The following KRTAP9-3 variants were observed in gnomAD, a reference collection of about 807,000 sequenced individuals.
The protein encoded by KRTAP9-3 is keratin associated protein 9-3.
A neutral mutation model predicts 13.0 loss-of-function variants in KRTAP9-3; 12 were observed. The observed-to-expected ratio is 0.93, with a 90% CI of 0.59 to 1.50. The LOEUF is 1.50. KRTAP9-3 is among the 40% of genes most tolerant of loss of function. The probability of loss-of-function intolerance (pLI) is 0.00; values close to 1 mark genes in which losing one functional copy is unlikely to be tolerated. For synonymous variants in KRTAP9-3, 89 were observed against 68.7 expected (o/e 1.29, Z -1.46); for missense variants, 232 against 195.2 (o/e 1.19, Z -1.12).
chr17:41,232,852 A>C lies in KRTAP9-3; in HGVS notation c.351A>C (p.Leu117=). 1 of 1,606,614 alleles carries C rather than the reference A, an allele frequency of 6.2e-7. No homozygotes were observed. Among genetic ancestry groups the C allele is most frequent in the Non-Finnish European group, 8.5e-7 (1 of 1,179,804 alleles). ...HPTSVCLPGC[L]NQSCGSNCCQ... is the part of the protein sequence containing the mutation. Reference sequence around the variant, plus strand: ...CAAGTGTTTGTCTGCCTGGTTGCCTAAACCAGAGCTGTGGCTCCAACTGCT... The same window carrying C: ...CAAGTGTTTGTCTGCCTGGTTGCCTCAACCAGAGCTGTGGCTCCAACTGCT... The change falls in exon 1 of 1, where the codon CTA becomes CTC. Residue 117 remains leucine (L), a synonymous_variant. Transcript: ENST00000411528.
Position 41,232,654 on chromosome 17 carries a change from C to G in KRTAP9-3, c.153C>G (p.Cys51Trp). Residue 51 changes from cysteine to tryptophan, a missense_variant, in exon 1 of 1, where the codon TGC becomes TGG. Physicochemically the swap from Cys to Trp is radical, Grantham distance 215 (BLOSUM62 -2). Transcript: ENST00000411528. ...SCCQPCCHPT[C>W]CQNTCCRTTC... Reference sequence around the variant, plus strand: ...GCCAGCCTTGCTGCCACCCAACTTGCTGTCAAAACACCTGCTGTAGGACCA... The same window carrying G: ...GCCAGCCTTGCTGCCACCCAACTTGGTGTCAAAACACCTGCTGTAGGACCA... The G allele has an allele frequency of 6.2e-7, 1 of 1,608,310 alleles. No homozygotes were observed. The highest frequency in any genetic ancestry group is 8.5e-7 in the Non-Finnish European group (1 of 1,179,934).
In KRTAP9-3 at chr17:41,232,558, G is replaced by C; in HGVS notation, c.57G>C (p.Trp19Cys). The C allele has an allele frequency of 1.2e-6, 2 of 1,602,586 alleles. No homozygotes were observed. Among genetic ancestry groups the C allele is most frequent in the Non-Finnish European group, 1.7e-6 (2 of 1,177,118 alleles). ...CTACCTGCTGCAGGACCACCTGCTG[G>C]CAGCCCACCACTGTGACCACCTGCA... ...CQPTCCRTTC[W>C]QPTTVTTCSS... The change falls in exon 1 of 1, where the codon TGG (tryptophan) becomes TGC (cysteine). Residue 19 changes from tryptophan (W) to cysteine (C), a missense_variant. Transcript: ENST00000411528.
Position 41,232,537 on chromosome 17 carries a change from C to T in KRTAP9-3, c.36C>T (p.Thr12=). Residue 12 remains threonine (T), a synonymous_variant, in exon 1 of 1, where the codon ACC becomes ACT. Transcript: ENST00000411528. ...THCCSPCCQP[T]CCRTTCWQPT... The stretch of plus-strand genomic sequence containing the variant: ...GTTGCTCCCCTTGCTGTCAGCCTAC[C>T]TGCTGCAGGACCACCTGCTGGCAGC... 1.9e-6 allele frequency: 3 copies of T among 1,606,004 alleles called. No individual in the cohort carries two copies. The highest frequency in any genetic ancestry group is 2.5e-6 in the Non-Finnish European group (3 of 1,179,326).
rs757778426 is a variant in KRTAP9-3, at chr17:41,232,734, C to T, written c.233C>T (p.Thr78Ile). The change falls in exon 1 of 1, where the codon ACA (threonine) becomes ATA (isoleucine). Residue 78 changes from threonine (T) to isoleucine (I), a missense_variant. Coordinates refer to ENST00000411528, the MANE Select transcript of KRTAP9-3 (RefSeq NM_031962.3). ...TGCTGCCAGCCTTCCTGCTGTAGCACACCCTGCTGCCAGCCCACATGCTGT... is the reference window on the plus strand; with the variant it reads ...TGCTGCCAGCCTTCCTGCTGTAGCATACCCTGCTGCCAGCCCACATGCTGT... ...TSCCQPSCCSTPCCQPTCCGS... is the reference protein window; with the variant it reads ...TSCCQPSCCSIPCCQPTCCGS... 128 of 1,608,492 alleles carry T rather than the reference C, an allele frequency of 8.0e-5. No individual in the cohort carries two copies. Among genetic ancestry groups the T allele is most frequent in the Non-Finnish European group, 1.1e-4 (125 of 1,179,980 alleles).
chr17:41,233,079 T>C lies in KRTAP9-3; in HGVS notation c.*98T>C. 6.5e-7 allele frequency: 1 copy of C among 1,539,898 alleles called. No individual in the cohort carries two copies. The highest frequency in any genetic ancestry group is 1.2e-5 in the South Asian group (1 of 80,206). ...TTTACTTTGCTGCTGACAGCCACCA[T>C]GCTCTCACCCAAATTTTTATGAATT... On this transcript the variant is annotated 3_prime_UTR_variant, in exon 1 of 1. Coordinates refer to ENST00000411528, the MANE Select transcript of KRTAP9-3 (RefSeq NM_031962.3).
Position 41,232,590 on chromosome 17 carries a change from C to T in KRTAP9-3, c.89C>T (p.Thr30Ile), listed in dbSNP as rs141002587. The change falls in exon 1 of 1, where the codon ACA becomes ATA. Residue 30 changes from threonine (T) to isoleucine (I), a missense_variant. By Grantham distance (89) the Thr-to-Ile change is moderately conservative. Coordinates refer to ENST00000411528, the MANE Select transcript of KRTAP9-3 (RefSeq NM_031962.3). ...QPTTVTTCSS[T>I]PCCQPSCCVS... ...ACCACTGTGACCACCTGCAGCAGCACACCCTGCTGTCAGCCCTCCTGCTGT... is the reference window on the plus strand; with the variant it reads ...ACCACTGTGACCACCTGCAGCAGCATACCCTGCTGTCAGCCCTCCTGCTGT... 118 of 1,603,980 alleles carry T rather than the reference C, an allele frequency of 7.4e-5. No homozygotes were observed. Among genetic ancestry groups the T allele is most frequent in the Non-Finnish European group, 9.3e-5 (109 of 1,177,136 alleles).
Position 41,233,145 on chromosome 17 carries a change from G to A in KRTAP9-3, c.*164G>A, listed in dbSNP as rs1285030342. On this transcript the variant is annotated 3_prime_UTR_variant, in exon 1 of 1. Coordinates refer to ENST00000411528, the MANE Select transcript of KRTAP9-3 (RefSeq NM_031962.3). ...ATCTTGGGAATCTGCTTGAGGGAGGGCAGAATACTTCATCCTCATTCCCTC... is the reference window on the plus strand; with the variant it reads ...ATCTTGGGAATCTGCTTGAGGGAGGACAGAATACTTCATCCTCATTCCCTC... 6.8e-6 allele frequency: 8 copies of A among 1,175,080 alleles called. No individual in the cohort carries two copies. Among genetic ancestry groups the A allele is most frequent in the African/African-American group, 1.7e-5 (1 of 57,740 alleles). 72.8% of individuals were successfully genotyped at this position (1,175,080 alleles called of 1,614,324 possible). A position where few individuals can be genotyped will look rare whatever the true frequency, so the allele number is the denominator to read the frequency against.
chr17:41,232,725 G>A lies in KRTAP9-3; in HGVS notation c.224G>A (p.Cys75Tyr). 6.2e-7 allele frequency: 1 copy of A among 1,608,582 alleles called. No individual in the cohort carries two copies. Among genetic ancestry groups the A allele is most frequent in the Non-Finnish European group, 8.5e-7 (1 of 1,179,946 alleles). ...GTGACCAGCTGCTGCCAGCCTTCCT[G>A]CTGTAGCACACCCTGCTGCCAGCCC... ...ICVTSCCQPS[C>Y]CSTPCCQPTC... Residue 75 changes from cysteine to tyrosine, a missense_variant, in exon 1 of 1, where the codon TGC becomes TAC. Physicochemically the swap from Cys to Tyr is radical, Grantham distance 194. Transcript: ENST00000411528.
In KRTAP9-3 at chr17:41,232,967, C is replaced by G; in HGVS notation, c.466C>G (p.Pro156Ala). 1 of 1,608,844 alleles carries G rather than the reference C, an allele frequency of 6.2e-7. No homozygotes were observed. Among genetic ancestry groups the G allele is most frequent in the Non-Finnish European group, 8.5e-7 (1 of 1,179,778 alleles). Residue 156 changes from proline to alanine, a missense_variant, in exon 1 of 1, where the codon CCT becomes GCT. Coordinates refer to ENST00000411528, the MANE Select transcript of KRTAP9-3 (RefSeq NM_031962.3). Reference sequence around the variant, plus strand: ...CACCTGTGTGTACAGCTGCTGCCAGCCTTCTTGCTGCTAATCAACTCCCAA... The same window carrying G: ...CACCTGTGTGTACAGCTGCTGCCAGGCTTCTTGCTGCTAATCAACTCCCAA... ...QPTCVYSCCQ[P>A]SCC
rs2015879426 is a variant in KRTAP9-3, at chr17:41,232,791, C to T, written c.290C>T (p.Ala97Val). 1 of 1,608,150 alleles carries T rather than the reference C, an allele frequency of 6.2e-7. No homozygotes were observed. Among genetic ancestry groups the T allele is most frequent in the African/African-American group, 1.4e-5 (1 of 69,278 alleles). The change falls in exon 1 of 1, where the codon GCA becomes GTA. Residue 97 changes from alanine to valine, a missense_variant. Coordinates refer to ENST00000411528, the MANE Select transcript of KRTAP9-3 (RefSeq NM_031962.3). ...AGCTGTGGTCAGAGCAGCTCCTGTG[C>T]ACCTGTGTACTGCAGAAGAACCTGC... is the stretch of plus-strand genomic sequence containing the variant. The part of the protein sequence containing the change: ...GSSCGQSSSC[A>V]PVYCRRTCYH...
At position 41,232,646 on chromosome 17, in the gene KRTAP9-3, C is replaced by T. The variant is rs767825751; in HGVS notation, c.145C>T (p.Pro49Ser). 1.2e-6 allele frequency: 2 copies of T among 1,607,778 alleles called. No individual in the cohort carries two copies. Among genetic ancestry groups the T allele is most frequent in the Non-Finnish European group, 8.5e-7 (1 of 1,179,846 alleles). The part of the protein sequence containing the change: ...VSSCCQPCCH[P>S]TCCQNTCCRT... ...CAGCTGCTGCCAGCCTTGCTGCCAC[C>T]CAACTTGCTGTCAAAACACCTGCTG... is the stretch of plus-strand genomic sequence containing the variant. Residue 49 changes from proline to serine, a missense_variant, in exon 1 of 1, where the codon CCA becomes TCA. By Grantham distance (74) the Pro-to-Ser change is moderately conservative. Transcript: ENST00000411528.
rs139421229 is a variant in KRTAP9-3 at position 41,233,102 on chromosome 17, A to T, written c.*121A>T. The stretch of plus-strand genomic sequence containing the variant: ...CATGCTCTCACCCAAATTTTTATGA[A>T]TTCTCTACATGTTTAAAATCTTGGG... On this transcript the variant is annotated 3_prime_UTR_variant, in exon 1 of 1. Coordinates refer to ENST00000411528, the MANE Select transcript of KRTAP9-3 (RefSeq NM_031962.3). 6.8e-7 allele frequency: 1 copy of T among 1,480,276 alleles called. No individual in the cohort carries two copies. Among genetic ancestry groups the T allele is most frequent in the African/African-American group, 1.6e-5 (1 of 63,976 alleles). 91.7% of individuals were successfully genotyped at this position (1,480,276 alleles called of 1,614,324 possible). A position where few individuals can be genotyped will look rare whatever the true frequency, so the allele number is the denominator to read the frequency against.
Position 41,232,815 on chromosome 17 carries a change from G to A in KRTAP9-3, c.314G>A (p.Cys105Tyr), listed in dbSNP as rs1442683227. The change falls in exon 1 of 1, where the codon TGC becomes TAC. Residue 105 changes from cysteine to tyrosine, a missense_variant. Transcript: ENST00000411528. Reference protein sequence around the residue: ...SCAPVYCRRTCYHPTSVCLPG... With the variant: ...SCAPVYCRRTYYHPTSVCLPG... ...GCACCTGTGTACTGCAGAAGAACCT[G>A]CTACCACCCCACAAGTGTTTGTCTG... is the stretch of plus-strand genomic sequence containing the variant. 8.1e-6 allele frequency: 13 copies of A among 1,607,894 alleles called. No individual in the cohort carries two copies. The East Asian group carries it at 2.9e-4, about 36-fold the overall frequency.
rs150033534 is a variant in KRTAP9-3, at chr17:41,233,390, T to C, written c.*409T>C. 3.2e-4 allele frequency: 94 copies of C among 294,484 alleles called. 2 individuals are homozygous for C. In the Middle Eastern group the frequency reaches 6.0e-3, roughly 19 times the overall value. 18.2% of individuals were successfully genotyped at this position (294,484 alleles called of 1,614,324 possible). A position where few individuals can be genotyped will look rare whatever the true frequency, so the allele number is the denominator to read the frequency against. On this transcript the variant is annotated 3_prime_UTR_variant, in exon 1 of 1. Transcript: ENST00000411528. Reference sequence around the variant, plus strand: ...TTCTTTTCACGATAACTTTGGGTTATGTCTCTGGTAGCAGAGATTCTTACC... The same window carrying C: ...TTCTTTTCACGATAACTTTGGGTTACGTCTCTGGTAGCAGAGATTCTTACC...
In KRTAP9-3 at chr17:41,232,732, C is replaced by T. The variant is rs555527137; in HGVS notation, c.231C>T (p.Ser77=). 2.3e-5 allele frequency: 37 copies of T among 1,607,478 alleles called. No individual in the cohort carries two copies. The East Asian group carries it at 8.3e-4, about 36-fold the overall frequency. Reference sequence around the variant, plus strand: ...GCTGCTGCCAGCCTTCCTGCTGTAGCACACCCTGCTGCCAGCCCACATGCT... The same window carrying T: ...GCTGCTGCCAGCCTTCCTGCTGTAGTACACCCTGCTGCCAGCCCACATGCT... ...VTSCCQPSCC[S]TPCCQPTCCG... Residue 77 remains serine, a synonymous_variant, in exon 1 of 1, where the codon AGC becomes AGT. Coordinates refer to ENST00000411528, the MANE Select transcript of KRTAP9-3 (RefSeq NM_031962.3).
rs1485054123 is a variant in KRTAP9-3 at position 41,233,141 on chromosome 17, G to A, written c.*160G>A. ...TAAAATCTTGGGAATCTGCTTGAGGGAGGGCAGAATACTTCATCCTCATTC... is the reference window on the plus strand; with the variant it reads ...TAAAATCTTGGGAATCTGCTTGAGGAAGGGCAGAATACTTCATCCTCATTC... On this transcript the variant is annotated 3_prime_UTR_variant, in exon 1 of 1. Transcript: ENST00000411528. 1 of 1,236,046 alleles carries A rather than the reference G, an allele frequency of 8.1e-7. No homozygotes were observed. The highest frequency in any genetic ancestry group is 2.3e-5 in the East Asian group (1 of 42,958). 76.6% of individuals were successfully genotyped at this position (1,236,046 alleles called of 1,614,324 possible). A position where few individuals can be genotyped will look rare whatever the true frequency, so the allele number is the denominator to read the frequency against.
At position 41,233,070 on chromosome 17, in the gene KRTAP9-3, C is replaced by G. The variant is rs2015891842; in HGVS notation, c.*89C>G. ...AGGGACTAATTTACTTTGCTGCTGA[C>G]AGCCACCATGCTCTCACCCAAATTT... is the stretch of plus-strand genomic sequence containing the variant. On this transcript the variant is annotated 3_prime_UTR_variant, in exon 1 of 1. Coordinates refer to ENST00000411528, the MANE Select transcript of KRTAP9-3 (RefSeq NM_031962.3). 2.6e-6 allele frequency: 4 copies of G among 1,562,646 alleles called. No individual in the cohort carries two copies. Among genetic ancestry groups the G allele is most frequent in the African/African-American group, 1.5e-5 (1 of 67,858 alleles).
Position 41,233,166 on chromosome 17 carries a change from C to A in KRTAP9-3, c.*185C>A, listed in dbSNP as rs1472782731. Reference sequence around the variant, plus strand: ...GAGGGCAGAATACTTCATCCTCATTCCCTCTTTCCTTACACCTTGTGGATC... The same window carrying A: ...GAGGGCAGAATACTTCATCCTCATTACCTCTTTCCTTACACCTTGTGGATC... On this transcript the variant is annotated 3_prime_UTR_variant, in exon 1 of 1. Transcript: ENST00000411528. 1.0e-6 allele frequency: 1 copy of A among 995,224 alleles called. No individual in the cohort carries two copies. The highest frequency in any genetic ancestry group is 1.5e-6 in the Non-Finnish European group (1 of 674,992). The allele number at this position is 995,224 out of a possible 1,614,324, so 61.6% of individuals were successfully genotyped here. A position where few individuals can be genotyped will look rare whatever the true frequency, so the allele number is the denominator to read the frequency against.
Position 41,232,646 on chromosome 17 carries a change from C to A in KRTAP9-3, c.145C>A (p.Pro49Thr). Residue 49 changes from proline to threonine, a missense_variant, in exon 1 of 1, where the codon CCA (proline) becomes ACA (threonine). Physicochemically the swap from Pro to Thr is conservative, Grantham distance 38. Transcript: ENST00000411528. Reference protein sequence around the residue: ...VSSCCQPCCHPTCCQNTCCRT... With the variant: ...VSSCCQPCCHTTCCQNTCCRT... Reference sequence around the variant, plus strand: ...CAGCTGCTGCCAGCCTTGCTGCCACCCAACTTGCTGTCAAAACACCTGCTG... The same window carrying A: ...CAGCTGCTGCCAGCCTTGCTGCCACACAACTTGCTGTCAAAACACCTGCTG... The A allele has an allele frequency of 6.2e-7, 1 of 1,607,778 alleles. No homozygotes were observed. The highest frequency in any genetic ancestry group is 1.1e-5 in the South Asian group (1 of 91,054).
Sources: allele counts gnomAD v4.1 joint callset, GRCh38; gene constraint gnomAD v4.1.1; transcripts MANE v1.5; gene names NCBI Gene and HGNC (gene_info 2026-07-23, HGNC 2026-07-21).